Variants in DNM2 observed in about 807,000 individuals in gnomAD.
DNM2 encodes the protein dynamin-2.
In DNM2, 15 loss-of-function variants were observed where a neutral mutation model predicts 99.0. That is an observed-to-expected ratio of 0.15 (90% CI 0.10 to 0.23). DNM2 has a LOEUF of 0.23. DNM2 is among the 10% of genes least tolerant of loss of function. The pLI, the probability that DNM2 is intolerant of heterozygous loss-of-function variation, is 1.00. For missense variants in DNM2, 742 were observed against 1,189.4 expected, an observed-to-expected ratio of 0.62 and a Z score of 5.53; for synonymous variants, 525 against 481.2, an observed-to-expected ratio of 1.09 and a Z score of -1.19.
At position 10,820,986 on chromosome 19, in the gene DNM2, G is replaced by C. The variant is rs955057335; in HGVS notation, c.1781+897G>C. Among the ~76,000 whole-genome samples, 1 of 152,168 alleles carries C rather than the reference G, an allele frequency of 6.6e-6. No homozygotes were observed. The highest frequency in any genetic ancestry group is 6.5e-5 in the Admixed American group (1 of 15,270). On this transcript the variant is annotated intron_variant, in intron 16 of 20. Coordinates refer to ENST00000389253, the MANE Select transcript of DNM2 (RefSeq NM_001005361.3). This position sits in a 1 kb window ranked among gnomAD's most constrained non-coding sequence, Gnocchi z 4.3. ...ATGCTCACACAATCACGCTCATCCA[G>C]GAAGCAGGGCCCACCTGAGTCAGGG...
intron 1 of DNM2, among the ~76,000 whole-genome samples, chr19:10,720,294 C>T (rs2068897324): frequency 6.6e-6 from 1 of 151,168 alleles, no homozygotes; most frequent in African/African-American, 2.4e-5. Flanking sequence ...CTCACTGCAA[C>T]CTCTGCCTCC....
Position 10,794,744 on chromosome 19 carries a change from C to CAA in DNM2, c.1129-620_1129-619dup, listed in dbSNP as rs150016741. On this transcript the variant is annotated intron_variant, in intron 8 of 20. Coordinates refer to ENST00000389253, the MANE Select transcript of DNM2 (RefSeq NM_001005361.3). ...TCAGTGACAGAGCCAGACCCTATCT[C>CAA]AAAAAAAAACAAAAAAAACAAAAAG... Among the ~76,000 whole-genome samples the CAA allele has an allele frequency of 5.5e-5, 8 of 144,776 alleles. No homozygotes were observed. In the South Asian group the frequency reaches 1.1e-3, roughly 20 times the overall value. The allele number at this position is 144,776 out of a possible 152,430, so 95.0% of individuals were successfully genotyped here.
At chr19:10,777,254 G>T in intron 5 of DNM2, 38 bp downstream of exon 5, 3 of 1,598,628 alleles carry the variant, frequency 1.9e-6, no homozygotes, top group Non-Finnish European at 1.7e-6. Flanking sequence ...AGGAGGATGG[G>T]TGGGGTCCTT....
At chr19:10,724,236 C>T (rs1261059816) in intron 1 of DNM2, among the ~76,000 whole-genome samples, 1 of 152,040 alleles carries the variant, frequency 6.6e-6, no homozygotes, top group Non-Finnish European at 1.5e-5. Flanking sequence ...GGAGTGCAGT[C>T]ACGCGATCTC....
intron 5 of DNM2, among the ~76,000 whole-genome samples, chr19:10,782,280 C>T (rs531965846): frequency 4.6e-5 from 7 of 152,284 alleles, no homozygotes; most frequent in Admixed American, 2.6e-4. Flanking sequence ...GCGTTCCACC[C>T]GCCTCGGCCT....
chr19:10,817,790 C>T lies in DNM2; in HGVS notation c.1672-2190C>T, dbSNP rs1336916659. On this transcript the variant is annotated intron_variant, in intron 15 of 20. Coordinates refer to ENST00000389253, the MANE Select transcript of DNM2 (RefSeq NM_001005361.3). The surrounding 1 kb of genome is among the most constrained non-coding windows in gnomAD (Gnocchi z 4.6). ...GGGGGTCGGGGGTGGGGAGGAGGGG[C>T]GCACACACACGTGTGTGTGTGTGTG... Among the ~76,000 whole-genome samples, 1 of 142,638 alleles carries T rather than the reference C, an allele frequency of 7.0e-6. No individual in the cohort carries two copies. The highest frequency in any genetic ancestry group is 1.6e-5 in the Non-Finnish European group (1 of 64,322). 93.6% of individuals were successfully genotyped at this position (142,638 alleles called of 152,430 possible).
intron 5 of DNM2, chr19:10,780,176 G>C (rs921332967): frequency 2.0e-4 from 30 of 152,664 alleles, no homozygotes; most frequent in African/African-American, 6.8e-4. Flanking sequence ...GGCGACCCCG[G>C]ATCCCAGGGG....
At chr19:10,783,705 A>AT (rs1020896849) in intron 6 of DNM2, among the ~76,000 whole-genome samples, 4 of 145,326 alleles carry the variant, frequency 2.8e-5, no homozygotes, top group African/African-American at 5.2e-5. Flanking sequence ...TATTATTATT[A>AT]TTTTTTATTT....
In DNM2 at chr19:10,795,267, C is replaced by A; in HGVS notation, c.1129-105C>A. ...AATTTTGACGAGTTAAATATTCTGC[C>A]TTGTGAATATAGCCACACGTGGGAG... On this transcript the variant is annotated intron_variant, in intron 8 of 20. Transcript: ENST00000389253. The surrounding 1 kb of genome is among the most constrained non-coding windows in gnomAD (Gnocchi z 4.2). 3 of 1,060,572 alleles carry A rather than the reference C, an allele frequency of 2.8e-6. No individual in the cohort carries two copies. The highest frequency in any genetic ancestry group is 1.7e-5 in the Admixed American group (1 of 58,342). The allele number at this position is 1,060,572 out of a possible 1,614,324, so 65.7% of individuals were successfully genotyped here. A position where few individuals can be genotyped will look rare whatever the true frequency, so the allele number is the denominator to read the frequency against.
chr19:10,766,165 T>G (rs7246673), intron 2 of DNM2, among the ~76,000 whole-genome samples: 85,553 of 152,010 alleles, frequency 0.56, 24,268 homozygotes, highest in Admixed American at 0.61. Flanking sequence ...CCCCAAACCC[T>G]GCTGTCTTTT....
Position 10,772,378 on chromosome 19 carries a change from C to T in DNM2, c.236-101C>T. ...ACAGGCGTGAGCTACTGTGCCCAGC[C>T]TGGGTCATTACTTTCATTCAACAAA... On this transcript the variant is annotated intron_variant, in intron 2 of 20. Coordinates refer to ENST00000389253, the MANE Select transcript of DNM2 (RefSeq NM_001005361.3). This position sits in a 1 kb window ranked among gnomAD's most constrained non-coding sequence, Gnocchi z 4.9. 6.5e-7 allele frequency: 1 copy of T among 1,528,480 alleles called. No homozygotes were observed. The highest frequency in any genetic ancestry group is 9.0e-7 in the Non-Finnish European group (1 of 1,116,014). 94.7% of individuals were successfully genotyped at this position (1,528,480 alleles called of 1,614,324 possible). A position where few individuals can be genotyped will look rare whatever the true frequency, so the allele number is the denominator to read the frequency against.
At chr19:10,766,840 G>C (rs1285748084) in intron 2 of DNM2, among the ~76,000 whole-genome samples, 1 of 152,200 alleles carries the variant, frequency 6.6e-6, no homozygotes, top group African/African-American at 2.4e-5. Context: ...TACTCCTGCT[G>C]TGTGCCAGGC....
intron 1 of DNM2, among the ~76,000 whole-genome samples, chr19:10,732,640 C>G (rs1461231773): frequency 6.6e-6 from 1 of 152,028 alleles, no homozygotes; most frequent in Non-Finnish European, 1.5e-5. Context: ...CGGAAGTGCA[C>G]AGAGTAAGGC....
intron 1 of DNM2, among the ~76,000 whole-genome samples, chr19:10,719,971 C>T (rs1408005821): frequency 6.6e-6 from 1 of 151,982 alleles, no homozygotes; most frequent in Non-Finnish European, 1.5e-5. Context: ...TGCCTTCTGT[C>T]TACCGTGGTG....
Position 10,796,819 on chromosome 19 carries a change from C to G in DNM2, c.1197-561C>G, listed in dbSNP as rs377170980. 6.6e-6 allele frequency among the ~76,000 whole-genome samples: 1 copy of G among 152,090 alleles called. No homozygotes were observed. Among genetic ancestry groups the G allele is most frequent in the Non-Finnish European group, 1.5e-5 (1 of 68,028 alleles). Reference sequence around the variant, plus strand: ...GCCACTGCCTCCACTCAGCAGGACGCGCCGGGCTCCCCCAACCCGCGCCAA... The same window carrying G: ...GCCACTGCCTCCACTCAGCAGGACGGGCCGGGCTCCCCCAACCCGCGCCAA... On this transcript the variant is annotated intron_variant, in intron 9 of 20. Transcript: ENST00000389253. This position sits in a 1 kb window ranked among gnomAD's most constrained non-coding sequence, Gnocchi z 5.6.
intron 1 of DNM2, among the ~76,000 whole-genome samples, chr19:10,744,922 G>A (rs756902846): frequency 3.0e-4 from 46 of 152,116 alleles, no homozygotes; most frequent in Middle Eastern, 6.8e-3. Context: ...CAGTTTCCCC[G>A]TCACTCTTGA....
chr19:10,719,560 G>C (rs1008334184), intron 1 of DNM2, among the ~76,000 whole-genome samples: 1 of 152,134 alleles, frequency 6.6e-6, no homozygotes, highest in Non-Finnish European at 1.5e-5. Flanking sequence ...GCAAATGAAT[G>C]AGAACAGCCC....
Position 10,764,390 on chromosome 19 carries a change from A to T in DNM2, c.235+4579A>T, listed in dbSNP as rs898014422. ...CCTCTGGTTCCCGCAGCTTGCCCTC[A>T]TTCCAGCCATCCCCAGTGAACCATA... is the stretch of plus-strand genomic sequence containing the variant. On this transcript the variant is annotated intron_variant, in intron 2 of 20. Transcript: ENST00000389253. The surrounding 1 kb of genome is among the most constrained non-coding windows in gnomAD (Gnocchi z 4.1). 1.2e-4 allele frequency among the ~76,000 whole-genome samples: 18 copies of T among 152,154 alleles called. No individual in the cohort carries two copies. Among genetic ancestry groups the T allele is most frequent in the Admixed American group, 6.5e-5 (1 of 15,288 alleles).
intron 14 of DNM2, chr19:10,808,853 G>A: frequency 2.2e-6 from 1 of 450,482 alleles, no homozygotes; most frequent in Non-Finnish European, 4.0e-6. Context: ...CTGTAGGTCA[G>A]GGATGGCAAA....
Sources: gnomAD v4.1 joint callset for allele counts (sites outside exome capture counted in the v4.1 genomes callset) on GRCh38, gnomAD v4.1.1 for gene constraint, Gnocchi (gnomAD v3.1) non-coding constraint, MANE v1.5 for transcripts, NCBI Gene and HGNC (gene_info 2026-07-23, HGNC 2026-07-21) for gene names.